The following NAALADL2 variants were observed in gnomAD, a reference collection of about 807,000 sequenced individuals.
The protein encoded by NAALADL2 is N-acetylated alpha-linked acidic dipeptidase like 2.
In NAALADL2, 76 loss-of-function variants were observed where a neutral mutation model predicts 87.2. That is an observed-to-expected ratio of 0.87 (90% CI 0.72 to 1.05). The LOEUF (loss-of-function observed/expected upper bound fraction) is 1.05. NAALADL2 is among the 50% of genes least tolerant of loss of function. The pLI is 0.00. For missense variants in NAALADL2, 1,089 were observed against 945.8 expected (o/e 1.15, Z -1.99); for synonymous variants, 354 against 331.0 (o/e 1.07, Z -0.75).
Position 175,324,161 on chromosome 3 carries a change from C to T in NAALADL2, c.940-14C>T, listed in dbSNP as rs780754146. The T allele has an allele frequency of 6.2e-7, 1 of 1,609,842 alleles. No individual in the cohort carries two copies. The highest frequency in any genetic ancestry group is 8.5e-7 in the Non-Finnish European group (1 of 1,177,992). ...GCATGATAATATTTTTAATAGCTTG[C>T]TTCCCTCTTTTAGCTTTCCTCATTG... On this transcript the variant is annotated splice_polypyrimidine_tract_variant and intron_variant, in intron 4 of 13. Coordinates refer to ENST00000454872, the MANE Select transcript of NAALADL2 (RefSeq NM_207015.3).
chr3:175,645,645 C>G (rs1434555703), intron 11 of NAALADL2, among the ~76,000 whole-genome samples: 4 of 151,838 alleles, frequency 2.6e-5, no homozygotes, highest in Non-Finnish European at 5.9e-5. Context: ...GACAGCACAG[C>G]CTATTCTAAG....
Position 175,343,870 on chromosome 3 carries a change from A to G in NAALADL2, c.1090+19545A>G, listed in dbSNP as rs1391345522. On this transcript the variant is annotated intron_variant, in intron 5 of 13. Coordinates refer to ENST00000454872, the MANE Select transcript of NAALADL2 (RefSeq NM_207015.3). ...GTTGAATGAGCAAATCAATGAATGG[A>G]AACTGTGTTAGAGTGACCTATGTTT... 5.9e-5 allele frequency among the ~76,000 whole-genome samples: 9 copies of G among 152,080 alleles called. No homozygotes were observed. The East Asian group carries it at 9.7e-4, about 16-fold the overall frequency.
At chr3:175,155,417 A>T (rs1732164565) in intron 2 of NAALADL2, among the ~76,000 whole-genome samples, 1 of 152,144 alleles carries the variant, frequency 6.6e-6, no homozygotes, top group East Asian at 1.9e-4. Context: ...ACAAAAACCA[A>T]CCTGGCTAGC....
intron 2 of NAALADL2, among the ~76,000 whole-genome samples, chr3:174,626,151 T>C (rs1721555723): frequency 6.6e-6 from 1 of 151,894 alleles, no homozygotes; most frequent in Admixed American, 6.6e-5. Flanking sequence ...TTGGATATTT[T>C]TGTAATTTAC....
intron 1 of NAALADL2, among the ~76,000 whole-genome samples, chr3:174,899,379 G>T (rs996543920): frequency 6.6e-6 from 1 of 152,160 alleles, no homozygotes; most frequent in African/African-American, 2.4e-5. Context: ...TATAGGTGGG[G>T]CCTGGTGAGG....
intron 3 of NAALADL2, among the ~76,000 whole-genome samples, chr3:175,243,544 T>A (rs1203980835): frequency 3.9e-5 from 5 of 129,742 alleles, no homozygotes; most frequent in Non-Finnish European, 8.2e-5. Context: ...TTTTTTTTTT[T>A]TTTTTTTTTT....
At chr3:175,295,231 T>C (rs1387199702) in intron 4 of NAALADL2, among the ~76,000 whole-genome samples, 1 of 152,170 alleles carries the variant, frequency 6.6e-6, no homozygotes. Flanking sequence ...TTCCAGTTCT[T>C]CATCCTACAG....
At chr3:174,819,085 TTG>T (rs1214862930) in intron 3 of NAALADL2, among the ~76,000 whole-genome samples, 8 of 122,480 alleles carry the variant, frequency 6.5e-5, no homozygotes, top group Admixed American at 2.4e-4. Flanking sequence ...TTTTTTTTTT[TTG>T]GAGACAGGAT....
intron 11 of NAALADL2, among the ~76,000 whole-genome samples, chr3:175,630,274 T>C (rs1382263377): frequency 6.6e-6 from 1 of 151,812 alleles, no homozygotes; most frequent in African/African-American, 2.4e-5. Flanking sequence ...GAGTACAGGA[T>C]ATATGGAGCA....
chr3:175,059,254 T>C (rs1313946969), intron 1 of NAALADL2: 1 of 152,192 alleles, frequency 6.6e-6, no homozygotes. Flanking sequence ...TAAATAATTA[T>C]TGTTTTCTTG....
chr3:175,786,207 T>C (rs1751933700), intron 13 of NAALADL2, among the ~76,000 whole-genome samples: 1 of 151,856 alleles, frequency 6.6e-6, no homozygotes, highest in African/African-American at 2.4e-5. Flanking sequence ...AGGAGTATCT[T>C]TGTGGCGTTC....
chr3:175,718,649 G>A (rs971706914), intron 11 of NAALADL2: 27 of 1,583,850 alleles, frequency 1.7e-5, no homozygotes, highest in Admixed American at 3.3e-5. Flanking sequence ...TTTTACTCCC[G>A]AGCCCGTGGT....
At chr3:175,429,533 G>A (rs1717403808) in intron 5 of NAALADL2, among the ~76,000 whole-genome samples, 1 of 151,858 alleles carries the variant, frequency 6.6e-6, no homozygotes, top group African/African-American at 2.4e-5. Context: ...GGAAAAATCA[G>A]GTGCAGCCAC....
intron 3 of NAALADL2, among the ~76,000 whole-genome samples, chr3:174,761,258 C>T (rs1354623064): frequency 6.6e-6 from 1 of 151,660 alleles, no homozygotes; most frequent in East Asian, 1.9e-4. Context: ...TTCATGGAAC[C>T]CCTAATTATG....
At chr3:175,114,102 A>G (rs1236268143) in intron 2 of NAALADL2, among the ~76,000 whole-genome samples, 1 of 151,666 alleles carries the variant, frequency 6.6e-6, no homozygotes, top group African/African-American at 2.4e-5. Flanking sequence ...TATCAGAGGA[A>G]TATAGTACAG....
intron 2 of NAALADL2, among the ~76,000 whole-genome samples, chr3:174,683,022 A>G (rs901115613): frequency 6.6e-6 from 1 of 152,220 alleles, no homozygotes; most frequent in Non-Finnish European, 1.5e-5. Flanking sequence ...AAGATAATAC[A>G]GAGAAGGAAA....
At chr3:175,738,489 T>A (rs1744816996) in intron 12 of NAALADL2, among the ~76,000 whole-genome samples, 1 of 152,146 alleles carries the variant, frequency 6.6e-6, no homozygotes, top group Non-Finnish European at 1.5e-5. Context: ...TCAGGCAATC[T>A]GCCTGCCTCG....
At chr3:175,281,911 C>T (rs145652190) in intron 4 of NAALADL2, among the ~76,000 whole-genome samples, 411 of 152,082 alleles carry the variant, frequency 2.7e-3, no homozygotes, top group African/African-American at 9.5e-3. Flanking sequence ...CTTCTTAAGA[C>T]TTCCCTATTT....
At chr3:174,960,750 C>T (rs1329312749) in intron 1 of NAALADL2, among the ~76,000 whole-genome samples, 3 of 151,920 alleles carry the variant, frequency 2.0e-5, no homozygotes, top group African/African-American at 7.2e-5. Context: ...TTTCTGAAAA[C>T]CAGTGCAGGG....
Sources: allele counts gnomAD v4.1 joint callset (sites outside exome capture counted in the v4.1 genomes callset), GRCh38; gene constraint gnomAD v4.1.1; transcripts MANE v1.5; gene names NCBI Gene and HGNC (gene_info 2026-07-23, HGNC 2026-07-21).